The following CSRP1 variants were observed in gnomAD, a reference collection of about 807,000 sequenced individuals.
CSRP1 encodes the protein cysteine and glycine-rich protein 1.
CSRP1 carries 16 observed loss-of-function variants against 25.4 expected under a neutral mutation model. The observed-to-expected ratio is 0.63, with a 90% confidence interval of 0.43 to 0.96. CSRP1 has a LOEUF of 0.96. CSRP1 is among the 40% of genes least tolerant of loss of function. The probability of loss-of-function intolerance (pLI) is 0.00; values close to 1 mark genes in which losing one functional copy is unlikely to be tolerated. For synonymous variants in CSRP1, 97 were observed against 95.3 expected (o/e 1.02, Z -0.10); for missense variants, 212 against 243.6 (o/e 0.87, Z 0.86).
chr1:201,485,458 C>T (rs1002250385), intron 4 of CSRP1, 82 bp from the exon 5 acceptor site: 5 of 1,284,760 alleles, frequency 3.9e-6, no homozygotes, highest in Admixed American at 1.8e-5. Flanking sequence ...TTTGACATAA[C>T]CATGGTATAA....
chr1:201,502,065 G>A (rs180901129), intron 1 of CSRP1, among the ~76,000 whole-genome samples: 71 of 152,032 alleles, frequency 4.7e-4, no homozygotes, highest in East Asian at 1.5e-3. Flanking sequence ...AGGAACCATC[G>A]CAGAGATGTA....
At chr1:201,493,926 G>A (rs2102408983) in intron 2 of CSRP1, among the ~76,000 whole-genome samples, 1 of 152,318 alleles carries the variant, frequency 6.6e-6, no homozygotes, top group South Asian at 2.1e-4. Flanking sequence ...TGCTGTGTTA[G>A]GCATGATGAA....
At chr1:201,489,879 C>G in intron 3 of CSRP1, 1 of 270,206 alleles carries the variant, frequency 3.7e-6, no homozygotes, top group East Asian at 7.1e-5. Flanking sequence ...CAAAAAAAAA[C>G]AAAAAAAGAG....
chr1:201,500,219 C>T (rs1409582218), intron 1 of CSRP1, among the ~76,000 whole-genome samples: 1 of 152,216 alleles, frequency 6.6e-6, no homozygotes, highest in Non-Finnish European at 1.5e-5. Context: ...AGGGGACATA[C>T]TCAGGCCCCT....
intron 2 of CSRP1, among the ~76,000 whole-genome samples, chr1:201,494,996 C>A (rs1319274528): frequency 1.3e-5 from 2 of 152,216 alleles, no homozygotes; most frequent in South Asian, 4.1e-4. Context: ...TGAGAAAACT[C>A]AACCAGAGAG....
chr1:201,484,471 A>C lies in CSRP1; in HGVS notation c.*242T>G. The C allele has an allele frequency of 3.5e-6, 2 of 574,146 alleles. No individual in the cohort carries two copies. Among genetic ancestry groups the C allele is most frequent in the Non-Finnish European group, 3.1e-6 (1 of 321,640 alleles). 35.6% of individuals were successfully genotyped at this position (574,146 alleles called of 1,614,324 possible). ...GGGAGAGGGGCCTGCTCTCACCTAGACCCAAAACACTGAGGTCTCCTACTG... is the reference window on the plus strand; with the variant it reads ...GGGAGAGGGGCCTGCTCTCACCTAGCCCCAAAACACTGAGGTCTCCTACTG... On this transcript the variant is annotated 3_prime_UTR_variant, in exon 6 of 6. Transcript: ENST00000340006.
chr1:201,505,618 G>A (rs1020679413), intron 1 of CSRP1, among the ~76,000 whole-genome samples: 9 of 152,114 alleles, frequency 5.9e-5, no homozygotes, highest in South Asian at 4.2e-4. Context: ...TTCCTTCCTC[G>A]TCTGACTGCC....
intron 2 of CSRP1, among the ~76,000 whole-genome samples, chr1:201,494,001 G>A (rs1351958215): frequency 6.6e-6 from 1 of 152,128 alleles, no homozygotes; most frequent in African/African-American, 2.4e-5. Flanking sequence ...TCCACTTGGT[G>A]CTCTGATATC....
At chr1:201,497,515 T>C (rs897979643) in intron 1 of CSRP1, among the ~76,000 whole-genome samples, 6 of 151,884 alleles carry the variant, frequency 4.0e-5, no homozygotes, top group African/African-American at 1.5e-4. Flanking sequence ...GAGAATGAGG[T>C]ACTTGAATCT....
intron 1 of CSRP1, among the ~76,000 whole-genome samples, chr1:201,501,095 T>A (rs1664657089): frequency 6.6e-6 from 1 of 152,186 alleles, no homozygotes. Context: ...ATGGACCGTA[T>A]ATGGACTCCC....
intron 1 of CSRP1, among the ~76,000 whole-genome samples, chr1:201,502,763 G>A (rs17428726): frequency 0.013 from 2,051 of 152,266 alleles, 22 homozygotes; most frequent in Middle Eastern, 0.034. Context: ...GAGACTGTGA[G>A]CTGACAAGGG....
rs1558305080 is a variant in CSRP1 at position 201,484,076 on chromosome 1, T to G, written c.*637A>C. 1 of 689,512 alleles carries G rather than the reference T, an allele frequency of 1.5e-6. No individual in the cohort carries two copies. Among genetic ancestry groups the G allele is most frequent in the East Asian group, 2.7e-5 (1 of 36,832 alleles). 42.7% of individuals were successfully genotyped at this position (689,512 alleles called of 1,614,324 possible). A position where few individuals can be genotyped will look rare whatever the true frequency, so the allele number is the denominator to read the frequency against. On this transcript the variant is annotated 3_prime_UTR_variant, in exon 6 of 6. Coordinates refer to ENST00000340006, the MANE Select transcript of CSRP1 (RefSeq NM_004078.3). ...TTGGGGTCCTTAAGACCTGGGTTAT[T>G]CTCCTCCCAGTCCTAGTGGGAGGCT... is the stretch of plus-strand genomic sequence containing the variant.
At chr1:201,485,554 A>ACC in intron 4 of CSRP1, 178 bp from the exon 5 acceptor site, 5 of 599,814 alleles carry the variant, frequency 8.3e-6, no homozygotes, top group South Asian at 6.0e-5. Flanking sequence ...GGAGAAGGCC[A>ACC]GGGACCACAC....
intron 1 of CSRP1, among the ~76,000 whole-genome samples, chr1:201,500,960 C>T (rs762080908): frequency 1.3e-5 from 2 of 152,202 alleles, no homozygotes; most frequent in Non-Finnish European, 2.9e-5. Context: ...AGAGTTCAGG[C>T]TGTACAGGTC....
Position 201,483,806 on chromosome 1 carries a change from G to C in CSRP1, c.*907C>G. ...TCTGAGGTCTCAGGGCAAAGGGAAA[G>C]GTGTTTGGATGAAGACTGAGGCAGT... On this transcript the variant is annotated 3_prime_UTR_variant, in exon 6 of 6. Transcript: ENST00000340006. 1 of 513,776 alleles carries C rather than the reference G, an allele frequency of 1.9e-6. No individual in the cohort carries two copies. 31.8% of individuals were successfully genotyped at this position (513,776 alleles called of 1,614,324 possible). A position where few individuals can be genotyped will look rare whatever the true frequency, so the allele number is the denominator to read the frequency against.
At chr1:201,501,599 T>C (rs1664671299) in intron 1 of CSRP1, among the ~76,000 whole-genome samples, 1 of 152,150 alleles carries the variant, frequency 6.6e-6, no homozygotes, top group Admixed American at 6.5e-5. Context: ...TGTACCCAGA[T>C]CCTCAGCCTT....
chr1:201,498,034 C>T (rs926736015), intron 1 of CSRP1, among the ~76,000 whole-genome samples: 1 of 151,666 alleles, frequency 6.6e-6, no homozygotes, highest in East Asian at 1.9e-4. Context: ...ATAAAAATAG[C>T]GACTTCACCG....
intron 1 of CSRP1, chr1:201,506,645 T>A (rs1664835087): frequency 6.6e-6 from 1 of 152,130 alleles, no homozygotes; most frequent in Non-Finnish European, 1.5e-5. Flanking sequence ...GACACAGATG[T>A]CCAAGGTCAG....
intron 2 of CSRP1, 35 bp from the exon 3 acceptor site, chr1:201,490,379 TGAA>T: frequency 6.2e-7 from 1 of 1,607,360 alleles, no homozygotes; most frequent in South Asian, 1.1e-5. Context: ...CGCATTGAGT[TGAA>T]GCTGGGGTGA....
Sources: gnomAD v4.1 joint callset for allele counts (sites outside exome capture counted in the v4.1 genomes callset) on GRCh38, gnomAD v4.1.1 for gene constraint, MANE v1.5 for transcripts, NCBI Gene and HGNC (gene_info 2026-07-23, HGNC 2026-07-21) for gene names.